Variants in HSP90AB1 observed in about 807,000 individuals in gnomAD.
The protein encoded by HSP90AB1 is heat shock protein HSP 90-beta.
In HSP90AB1, 17 loss-of-function variants were observed where a neutral mutation model predicts 67.8. The ratio of observed to expected loss-of-function variants is 0.25; its 90% confidence interval spans 0.17 to 0.38. The LOEUF (loss-of-function observed/expected upper bound fraction) is 0.38. Among genes scored for constraint, HSP90AB1 ranks in the 10% least tolerant of loss-of-function variants. HSP90AB1 has a pLI of 1.00. For missense variants in HSP90AB1, 690 were observed against 899.9 expected, an observed-to-expected ratio of 0.77 and a Z score of 2.98; for synonymous variants, 390 against 312.9, an observed-to-expected ratio of 1.25 and a Z score of -2.60.
chr6:44,248,967 T>A (rs998597054), intron 2 of HSP90AB1, among the ~76,000 whole-genome samples, 191 bp downstream of exon 2: 4 of 152,228 alleles, frequency 2.6e-5, no homozygotes, highest in African/African-American at 7.2e-5. Flanking sequence ...AGTGGGCTCA[T>A]GGAACTAACT....
At chr6:44,251,285 T>A in intron 7 of HSP90AB1, 72 bp downstream of exon 7, 2 of 1,573,766 alleles carry the variant, frequency 1.3e-6, no homozygotes, top group Non-Finnish European at 1.7e-6. Context: ...TAGGATATTC[T>A]AAGGTAACAG....
At position 44,250,332 on chromosome 6, in the gene HSP90AB1, A is replaced by G. The variant is rs764554683; in HGVS notation, c.690A>G (p.Ala230=). The G allele has an allele frequency of 1.2e-6, 2 of 1,613,998 alleles. No individual in the cohort carries two copies. The highest frequency in any genetic ancestry group is 2.2e-5 in the South Asian group (2 of 91,080). The change falls in exon 6 of 12, where the codon GCA becomes GCG. Residue 230 remains alanine (A), a synonymous_variant. Coordinates refer to ENST00000371646, the MANE Select transcript of HSP90AB1 (RefSeq NM_007355.4). The stretch of plus-strand genomic sequence containing the variant: ...AGAAGGAAATTAGTGATGATGAGGC[A>G]GAGGAAGAGAAAGGTGAGAAAGAAG... ...EREKEISDDE[A]EEEKGEKEEE...
At chr6:44,249,925 C>G (rs1780429732) in intron 4 of HSP90AB1, 91 bp downstream of exon 4, 1 of 1,577,364 alleles carries the variant, frequency 6.3e-7, no homozygotes, top group African/African-American at 1.4e-5. Flanking sequence ...GTCTGTAAAG[C>G]AGTTCTTCAC....
chr6:44,249,918 T>C, intron 4 of HSP90AB1, 84 bp downstream of exon 4: 1 of 1,585,148 alleles, frequency 6.3e-7, no homozygotes, highest in Non-Finnish European at 8.6e-7. Flanking sequence ...GCATCCTGTC[T>C]GTAAAGCAGT....
intron 10 of HSP90AB1, 56 bp downstream of exon 10, chr6:44,252,323 C>CA (rs1780742129): frequency 6.6e-7 from 1 of 1,522,752 alleles, no homozygotes; most frequent in African/African-American, 1.4e-5. Flanking sequence ...TGGGCTCCCT[C>CA]ACAAGCATGT....
Position 44,251,826 on chromosome 6 carries a change from T to C in HSP90AB1, c.1404T>C (p.Ser468=), listed in dbSNP as rs758739031. 1 of 1,613,050 alleles carries C rather than the reference T, an allele frequency of 6.2e-7. No homozygotes were observed. ...CCCAGTCTGGAGATGAGATGACATC[T>C]CTGTCAGAGTATGTTTCTCGCATGA... The part of the protein sequence containing the change: ...HTSQSGDEMT[S]LSEYVSRMKE... The change falls in exon 9 of 12, where the codon TCT becomes TCC. Residue 468 remains serine, a synonymous_variant. Transcript: ENST00000371646.
chr6:44,251,373 G>A, intron 7 of HSP90AB1, 45 bp from the exon 8 acceptor site: 1 of 1,577,278 alleles, frequency 6.3e-7, no homozygotes, highest in Non-Finnish European at 8.7e-7. Flanking sequence ...ACCAGGTCTG[G>A]TCTAGCTGTT....
At chr6:44,247,408 C>T (rs932789421) in intron 1 of HSP90AB1, among the ~76,000 whole-genome samples, 2 of 151,982 alleles carry the variant, frequency 1.3e-5, no homozygotes, top group Admixed American at 6.6e-5. Context: ...GGCTTTCTCT[C>T]GGCGCCTGCT....
chr6:44,249,948 G>A lies in HSP90AB1; in HGVS notation c.515-73G>A, dbSNP rs989093059. The A allele has an allele frequency of 6.3e-6, 10 of 1,592,660 alleles. No homozygotes were observed. The South Asian group carries it at 7.7e-5, about 12-fold the overall frequency. On this transcript the variant is annotated intron_variant, in intron 4 of 11. Transcript: ENST00000371646. ...AGCAGTTCTTCACAGCAGTTCTGCTGATACTTACTAATTGCTGGTCTCAAC... is the reference window on the plus strand; with the variant it reads ...AGCAGTTCTTCACAGCAGTTCTGCTAATACTTACTAATTGCTGGTCTCAAC...
chr6:44,253,092 C>T lies in HSP90AB1; in HGVS notation c.1779C>T (p.Thr593=), dbSNP rs998711233. 70 of 1,613,948 alleles carry T rather than the reference C, an allele frequency of 4.3e-5. No individual in the cohort carries two copies. The highest frequency in any genetic ancestry group is 5.6e-5 in the Non-Finnish European group (66 of 1,179,964). Residue 593 remains threonine, a synonymous_variant, in exon 11 of 12, where the codon ACC becomes ACT. Transcript: ENST00000371646. ...RLVSSPCCIV[T]STYGWTANME... ...TGTCTTCACCTTGCTGCATTGTGACCAGCACCTACGGCTGGACAGCCAATA... is the reference window on the plus strand; with the variant it reads ...TGTCTTCACCTTGCTGCATTGTGACTAGCACCTACGGCTGGACAGCCAATA...
chr6:44,250,307 A>C lies in HSP90AB1; in HGVS notation c.665A>C (p.Glu222Ala). 3 of 1,613,646 alleles carry C rather than the reference A, an allele frequency of 1.9e-6. No individual in the cohort carries two copies. Among genetic ancestry groups the C allele is most frequent in the African/African-American group, 1.3e-5 (1 of 74,918 alleles). ...PITLYLEKER[E>A]KEISDDEAEE... is the part of the protein sequence containing the mutation. Reference sequence around the variant, plus strand: ...GTTACTTAGTTGGAGAAGGAACGAGAGAAGGAAATTAGTGATGATGAGGCA... The same window carrying C: ...GTTACTTAGTTGGAGAAGGAACGAGCGAAGGAAATTAGTGATGATGAGGCA... Residue 222 changes from glutamate (E) to alanine (A), a missense_variant, in exon 6 of 12, where the codon GAG becomes GCG. Physicochemically the swap from Glu to Ala is moderately radical, Grantham distance 107 (BLOSUM62 -1). Transcript: ENST00000371646.
At position 44,251,771 on chromosome 6, in the gene HSP90AB1, G is replaced by A. The variant is rs1171829974; in HGVS notation, c.1349G>A (p.Arg450His). Residue 450 changes from arginine (R) to histidine (H), a missense_variant, in exon 9 of 12, where the codon CGC (arginine) becomes CAC (histidine). Arg to His is a conservative substitution (Grantham distance 29). Coordinates refer to ENST00000371646, the MANE Select transcript of HSP90AB1 (RefSeq NM_007355.4). ...CACGAAGACTCCACTAACCGCCGCCGCCTGTCTGAGCTGCTGCGCTATCAT... is the reference window on the plus strand; with the variant it reads ...CACGAAGACTCCACTAACCGCCGCCACCTGTCTGAGCTGCTGCGCTATCAT... ...GIHEDSTNRR[R>H]LSELLRYHTS... 3 of 1,613,478 alleles carry A rather than the reference G, an allele frequency of 1.9e-6. No individual in the cohort carries two copies. The highest frequency in any genetic ancestry group is 1.7e-5 in the Admixed American group (1 of 60,018).
rs772200741 is a variant in HSP90AB1 at position 44,251,533 on chromosome 6, T to G, written c.1239T>G (p.Leu413=). ...VIRKNIVKKC[L]ELFSELAEDK... ...GCAAAAACATTGTTAAGAAGTGCCT[T>G]GAGCTCTTCTCTGAGCTGGCAGAAG... Residue 413 remains leucine (L), a synonymous_variant, in exon 8 of 12, where the codon CTT becomes CTG. Transcript: ENST00000371646. 6.2e-7 allele frequency: 1 copy of G among 1,612,050 alleles called. No individual in the cohort carries two copies. The highest frequency in any genetic ancestry group is 1.1e-5 in the South Asian group (1 of 90,990).
At chr6:44,247,853 G>A (rs1050329449) in intron 1 of HSP90AB1, 5 of 152,226 alleles carry the variant, frequency 3.3e-5, no homozygotes, top group African/African-American at 1.2e-4. Context: ...CTGGATTCTG[G>A]CGCCCCGCCC....
chr6:44,252,938 T>TC (rs1780907447), intron 10 of HSP90AB1, 107 bp from the exon 11 acceptor site: 1 of 867,792 alleles, frequency 1.2e-6, no homozygotes, highest in Admixed American at 2.3e-5. Flanking sequence ...GGTCTCAAAC[T>TC]CAAGTGGTCT....
chr6:44,248,826 TAGA>T (rs1326475780), intron 2 of HSP90AB1, 50 bp downstream of exon 2: 6 of 1,541,868 alleles, frequency 3.9e-6, no homozygotes, highest in Non-Finnish European at 5.3e-6. Flanking sequence ...TTTGATACTC[TAGA>T]AGGAGGGGAA....
rs34220374 is a variant in HSP90AB1, at chr6:44,247,417, C to G, written c.-1+222C>G. ...GGGTGGGGCTTTCTCTCGGCGCCTG[C>G]TGGCCGTAGCGAGGTGGGCTGTGGG... On this transcript the variant is annotated intron_variant, in intron 1 of 11. Coordinates refer to ENST00000371646, the MANE Select transcript of HSP90AB1 (RefSeq NM_007355.4). Among the ~76,000 whole-genome samples the G allele has an allele frequency of 7.6e-3, 1,158 of 152,150 alleles. 14 individuals are homozygous for G. Among genetic ancestry groups the G allele is most frequent in the African/African-American group, 0.026 (1,084 of 41,502 alleles).
At chr6:44,249,635 C>A in intron 3 of HSP90AB1, 40 bp from the exon 4 acceptor site, 1 of 1,610,536 alleles carries the variant, frequency 6.2e-7, no homozygotes, top group Non-Finnish European at 8.5e-7. Flanking sequence ...TGGTTTTTTG[C>A]TTCTTTAAAA....
At position 44,253,149 on chromosome 6, in the gene HSP90AB1, G is replaced by A. The variant is rs749444999; in HGVS notation, c.1836G>A (p.Arg612=). The change falls in exon 11 of 12, where the codon CGG becomes CGA. Residue 612 remains arginine (R), a synonymous_variant. Coordinates refer to ENST00000371646, the MANE Select transcript of HSP90AB1 (RefSeq NM_007355.4). ...MERIMKAQAL[R]DNSTMGYMMA... ...GGATCATGAAAGCCCAGGCACTTCG[G>A]GACAACTCCACCATGGGCTATATGA... 2 of 1,614,182 alleles carry A rather than the reference G, an allele frequency of 1.2e-6. No individual in the cohort carries two copies. Among genetic ancestry groups the A allele is most frequent in the South Asian group, 1.1e-5 (1 of 91,082 alleles).
Sources: allele counts gnomAD v4.1 joint callset (sites outside exome capture counted in the v4.1 genomes callset), GRCh38; gene constraint gnomAD v4.1.1; transcripts MANE v1.5; gene names NCBI Gene and HGNC (gene_info 2026-07-23, HGNC 2026-07-21).